Variants in MTRES1 observed in about 807,000 individuals in gnomAD.
MTRES1 encodes the protein uncharacterized protein C6orf203.
A neutral mutation model predicts 17.4 loss-of-function variants in MTRES1; 11 were observed. That is an observed-to-expected ratio of 0.63 (90% CI 0.40 to 1.05). The LOEUF is 1.05. Ranked by LOEUF, MTRES1 falls within the 50% of genes least tolerant of loss-of-function variation. MTRES1 has a pLI of 0.00. For synonymous variants in MTRES1, 94 were observed against 99.6 expected, an observed-to-expected ratio of 0.94 and a Z score of 0.34; for missense variants, 268 against 276.2, an observed-to-expected ratio of 0.97 and a Z score of 0.21.
intron 1 of MTRES1, chr6:107,028,808 A>G: frequency 1.2e-6 from 1 of 819,788 alleles, no homozygotes; most frequent in Non-Finnish European, 1.5e-6. Flanking sequence ...GTTAGTTCAG[A>G]TTGTATACCT....
intron 2 of MTRES1, chr6:107,040,808 G>T (rs1228706528): frequency 6.6e-6 from 1 of 151,570 alleles, no homozygotes; most frequent in Non-Finnish European, 1.5e-5. Flanking sequence ...GGCAGAGGTT[G>T]CAGTGAGCCG....
At chr6:107,035,032 A>G (rs1773963332) in intron 1 of MTRES1, among the ~76,000 whole-genome samples, 1 of 152,136 alleles carries the variant, frequency 6.6e-6, no homozygotes, top group South Asian at 2.1e-4. Flanking sequence ...CCTGTCATTT[A>G]CTAGCTGTGC....
intron 3 of MTRES1, among the ~76,000 whole-genome samples, chr6:107,045,345 G>A (rs1299258732): frequency 2.0e-5 from 3 of 152,082 alleles, no homozygotes; most frequent in Non-Finnish European, 4.4e-5. Flanking sequence ...TTAGCCGGGT[G>A]TGGTGGTGGG....
chr6:107,041,387 A>T (rs2114959429), intron 2 of MTRES1, among the ~76,000 whole-genome samples: 1 of 152,242 alleles, frequency 6.6e-6, no homozygotes, highest in East Asian at 1.9e-4. Flanking sequence ...GGTTGCTAGG[A>T]TTGAGTGACT....
chr6:107,040,874 A>C, intron 2 of MTRES1: 1 of 150,668 alleles, frequency 6.6e-6, no homozygotes, highest in Admixed American at 6.7e-5. Context: ...ATCTGAAAAA[A>C]AAAAAAAGAG....
At chr6:107,048,778 CAAA>C (rs10599769) in intron 3 of MTRES1, among the ~76,000 whole-genome samples, 127 of 112,876 alleles carry the variant, frequency 1.1e-3, no homozygotes, top group Admixed American at 1.7e-3. Flanking sequence ...GACTCCATGT[CAAA>C]AAAAAAAAAA....
chr6:107,029,532 A>G (rs1177796092), intron 1 of MTRES1, among the ~76,000 whole-genome samples: 1 of 138,760 alleles, frequency 7.2e-6, no homozygotes, highest in African/African-American at 2.7e-5. Context: ...CGCCGAGGCT[A>G]GAATGCACTG....
At chr6:107,050,354 C>T (rs1774551138) in intron 3 of MTRES1, among the ~76,000 whole-genome samples, 1 of 152,188 alleles carries the variant, frequency 6.6e-6, no homozygotes, top group Admixed American at 6.6e-5. Context: ...GTCTCTAAGA[C>T]TGCCCCCACT....
chr6:107,049,695 G>GA (rs1468174875), intron 3 of MTRES1, among the ~76,000 whole-genome samples: 1 of 146,664 alleles, frequency 6.8e-6, no homozygotes, highest in East Asian at 2.0e-4. Flanking sequence ...TTACAGGCTT[G>GA]AGCCACCGTG....
rs1774412225 is a variant in MTRES1 at position 107,046,933 on chromosome 6, TGTGTGTGTGTGTGTG to T, written c.543+2602_543+2616del. Reference sequence around the variant, plus strand: ...GAAGCTCCAAAGGGATTCATTCTTGTGTGTGTGTGTGTGTGTGTGTGTGTGTGTGTGTGTGTGTGT... The same window carrying T: ...GAAGCTCCAAAGGGATTCATTCTTGTTGTGTGTGTGTGTGTGTGTGTGTGT... On this transcript the variant is annotated intron_variant, in intron 3 of 3. Coordinates refer to ENST00000311381, the MANE Select transcript of MTRES1 (RefSeq NM_016487.5). 4.2e-3 allele frequency among the ~76,000 whole-genome samples: 620 copies of T among 146,912 alleles called. 7 individuals are homozygous for T. Among genetic ancestry groups the T allele is most frequent in the South Asian group, 0.04 (184 of 4,622 alleles).
At chr6:107,037,218 C>T (rs1172630510) in intron 1 of MTRES1, among the ~76,000 whole-genome samples, 1 of 152,042 alleles carries the variant, frequency 6.6e-6, no homozygotes, top group Non-Finnish European at 1.5e-5. Context: ...TTCAAGCACC[C>T]GCCACCACAC....
At chr6:107,042,389 C>T (rs895561475) in intron 2 of MTRES1, among the ~76,000 whole-genome samples, 1 of 151,892 alleles carries the variant, frequency 6.6e-6, no homozygotes, top group East Asian at 1.9e-4. Flanking sequence ...CCACAGGCCC[C>T]ACCCTTGGCA....
chr6:107,031,644 A>T (rs1262320318), intron 1 of MTRES1, among the ~76,000 whole-genome samples: 1 of 150,258 alleles, frequency 6.7e-6, no homozygotes, highest in Non-Finnish European at 1.5e-5. Context: ...CTTGTTGTCC[A>T]GGCTGGAGTG....
chr6:107,039,859 CA>C lies in MTRES1; in HGVS notation c.102del (p.Lys34AsnfsTer32), dbSNP rs1774135281. The part of the protein sequence containing the change: ...GVLRGTPSSY[K>X]LCTSWNRYLY... ...TTCTCCGAGGGACACCTTCATCATA[CA>C]AACTCTGTACTTCCTGGAATCGATA... is the stretch of plus-strand genomic sequence containing the variant. On this transcript the variant is annotated frameshift_variant, in exon 2 of 4. Transcript: ENST00000311381. LOFTEE classifies it high-confidence loss of function. 1 of 1,614,154 alleles carries C rather than the reference CA, an allele frequency of 6.2e-7. No individual in the cohort carries two copies. The highest frequency in any genetic ancestry group is 8.5e-7 in the Non-Finnish European group (1 of 1,180,028).
intron 3 of MTRES1, among the ~76,000 whole-genome samples, chr6:107,045,357 G>A (rs1376481944): frequency 1.3e-5 from 2 of 151,974 alleles, no homozygotes; most frequent in African/African-American, 2.4e-5. Context: ...GGTGGTGGGC[G>A]CCTGTAGTCC....
In MTRES1 at chr6:107,041,749, C is replaced by T. The variant is rs1434029165; in HGVS notation, c.470+1519C>T. On this transcript the variant is annotated intron_variant, in intron 2 of 3. Transcript: ENST00000311381. ...TTCACTGTGTTAGCCAGGATGGTCT[C>T]GATCTCCTGACCTCGTGATCCACCC... Among the ~76,000 whole-genome samples, 7 of 151,902 alleles carry T rather than the reference C, an allele frequency of 4.6e-5. No individual in the cohort carries two copies. In the East Asian group the frequency reaches 5.9e-4, roughly 13 times the overall value.
intron 2 of MTRES1, among the ~76,000 whole-genome samples, chr6:107,041,070 C>CAA: frequency 6.8e-6 from 1 of 146,498 alleles, no homozygotes; most frequent in African/African-American, 2.6e-5. Context: ...ACTAAAAATA[C>CAA]AAAAAATTAG....
chr6:107,036,791 A>G (rs1217783392), intron 1 of MTRES1, among the ~76,000 whole-genome samples: 1 of 151,380 alleles, frequency 6.6e-6, no homozygotes, highest in Non-Finnish European at 1.5e-5. Context: ...CGGAGCTTGC[A>G]GTGAGCTGAG....
chr6:107,038,653 A>G (rs1774086647), intron 1 of MTRES1, among the ~76,000 whole-genome samples: 1 of 152,096 alleles, frequency 6.6e-6, no homozygotes, highest in Non-Finnish European at 1.5e-5. Flanking sequence ...TTAGAGATTC[A>G]CTCTGGATTT....
Sources: gnomAD v4.1 joint callset for allele counts (sites outside exome capture counted in the v4.1 genomes callset) on GRCh38, gnomAD v4.1.1 for gene constraint, MANE v1.5 for transcripts, NCBI Gene and HGNC (gene_info 2026-07-23, HGNC 2026-07-21) for gene names.